The following INO80 variants were observed in gnomAD, a reference collection of about 807,000 sequenced individuals.
The protein encoded by INO80 is chromatin-remodeling ATPase INO80.
INO80 carries 20 observed loss-of-function variants against 203.4 expected under a neutral mutation model. The ratio of observed to expected loss-of-function variants is 0.10; its 90% CI spans 0.07 to 0.14. INO80 has a LOEUF of 0.14. Ranked by LOEUF, INO80 falls within the 10% of genes least tolerant of loss-of-function variation. The pLI is 1.00. For missense variants in INO80, 1,419 were observed against 1,914.4 expected (o/e 0.74, Z 4.83); for synonymous variants, 726 against 685.2 (o/e 1.06, Z -0.93).
chr15:41,110,028 G>A lies in INO80; in HGVS notation c.-44+5945C>T, dbSNP rs150032787. Among the ~76,000 whole-genome samples the A allele has an allele frequency of 1.0e-3, 153 of 151,594 alleles. 2 individuals carry two copies. In the East Asian group the frequency reaches 0.025, roughly 25 times the overall value. The stretch of plus-strand genomic sequence containing the variant: ...GAGAATTGCTTGAGCCCGGGAGGCA[G>A]AGGTTGCAGTGAGCTGAGATCGTGC... On this transcript the variant is annotated intron_variant, in intron 1 of 35. Transcript: ENST00000648947.
rs576737394 is a variant in INO80, at chr15:40,989,174, T to C, written c.3571-1200A>G. Among the ~76,000 whole-genome samples the C allele has an allele frequency of 2.0e-5, 3 of 152,314 alleles. No homozygotes were observed. The South Asian group carries it at 6.2e-4, about 32-fold the overall frequency. On this transcript the variant is annotated intron_variant, in intron 29 of 35. Coordinates refer to ENST00000648947, the MANE Select transcript of INO80 (RefSeq NM_017553.3). Reference sequence around the variant, plus strand: ...AGCCTGGGCAACAAGAGAGAAACTCTGTCACAAAACAAAACACTGGGGCTA... The same window carrying C: ...AGCCTGGGCAACAAGAGAGAAACTCCGTCACAAAACAAAACACTGGGGCTA...
intron 25 of INO80, chr15:41,023,346 C>A: frequency 2.2e-6 from 1 of 455,320 alleles, no homozygotes; most frequent in Non-Finnish European, 4.4e-6. Context: ...GTGTCGCAGA[C>A]CTGCAAAATT....
intron 24 of INO80, among the ~76,000 whole-genome samples, chr15:41,030,426 G>A (rs755230377): frequency 6.6e-6 from 1 of 152,096 alleles, no homozygotes; most frequent in Non-Finnish European, 1.5e-5. Context: ...GCAGTGGTGC[G>A]ATCTCGGCTC....
intron 1 of INO80, among the ~76,000 whole-genome samples, chr15:41,106,638 A>G (rs1343707461): frequency 6.6e-6 from 1 of 152,174 alleles, no homozygotes; most frequent in East Asian, 1.9e-4. Context: ...CAACAAAAAA[A>G]AAGAAACCAA....
chr15:41,113,828 T>A (rs2045989884), intron 1 of INO80, among the ~76,000 whole-genome samples: 1 of 152,232 alleles, frequency 6.6e-6, no homozygotes, highest in Admixed American at 6.6e-5. Flanking sequence ...TTTTTATTAG[T>A]CATAAACTTT....
intron 27 of INO80, 135 bp from the exon 28 acceptor site, chr15:41,005,822 C>A: frequency 2.0e-6 from 1 of 505,778 alleles, no homozygotes; most frequent in Non-Finnish European, 3.5e-6. Context: ...AGAGAGTAAC[C>A]CCAAGAGTAC....
At chr15:41,083,178 C>T (rs779823579) in intron 7 of INO80, among the ~76,000 whole-genome samples, 9 of 147,652 alleles carry the variant, frequency 6.1e-5, no homozygotes, top group African/African-American at 7.5e-5. Context: ...CCAGCTACTC[C>T]GGAGGCTGAA....
chr15:41,076,735 T>C (rs533501620), intron 9 of INO80, among the ~76,000 whole-genome samples: 2 of 152,028 alleles, frequency 1.3e-5, no homozygotes, highest in Admixed American at 6.6e-5. Flanking sequence ...GAGTAAGATA[T>C]CACTTTTTTT....
chr15:41,083,710 C>T (rs1191172441), intron 7 of INO80, among the ~76,000 whole-genome samples: 4 of 105,590 alleles, frequency 3.8e-5, no homozygotes, highest in Non-Finnish European at 7.2e-5. Context: ...GAGACTCCGT[C>T]TCAAAAAAAA....
At position 40,980,144 on chromosome 15, in the gene INO80, G is replaced by A. The variant is rs759691448; in HGVS notation, c.*79C>T. On this transcript the variant is annotated 3_prime_UTR_variant, in exon 36 of 36. Coordinates refer to ENST00000648947, the MANE Select transcript of INO80 (RefSeq NM_017553.3). Reference sequence around the variant, plus strand: ...GACTCAGGATGCAAGATGCTGCACGGGGCAAGCCATCCAAAGACCACTGGC... The same window carrying A: ...GACTCAGGATGCAAGATGCTGCACGAGGCAAGCCATCCAAAGACCACTGGC... 7 of 1,082,290 alleles carry A rather than the reference G, an allele frequency of 6.5e-6. No homozygotes were observed. The highest frequency in any genetic ancestry group is 2.6e-5 in the East Asian group (1 of 38,238). The allele number at this position is 1,082,290 out of a possible 1,614,324, so 67.0% of individuals were successfully genotyped here.
At chr15:41,018,691 T>C (rs771508146) in intron 26 of INO80, 10 of 152,172 alleles carry the variant, frequency 6.6e-5, no homozygotes, top group Admixed American at 2.0e-4. Flanking sequence ...GAAAAACAGG[T>C]TTCTTTCTCT....
intron 26 of INO80, 34 bp downstream of exon 26, chr15:41,020,866 C>T (rs3214068): frequency 1.0e-5 from 14 of 1,382,286 alleles, no homozygotes; most frequent in East Asian, 2.3e-5. Flanking sequence ...CTTGCCAAAG[C>T]GAGGAACACA....
At chr15:41,105,274 T>G (rs525551) in intron 1 of INO80, among the ~76,000 whole-genome samples, 17,628 of 152,142 alleles carry the variant, frequency 0.12, 3,172 homozygotes, top group African/African-American at 0.38. Flanking sequence ...TGCAAAAAGC[T>G]TGGGGGTTGG....
At chr15:41,059,244 G>A (rs1278850269) in intron 15 of INO80, among the ~76,000 whole-genome samples, 1 of 150,396 alleles carries the variant, frequency 6.6e-6, no homozygotes, top group Non-Finnish European at 1.5e-5. Flanking sequence ...TTATAGGCAT[G>A]AGCCACCATG....
Position 41,074,431 on chromosome 15 carries a change from A to G in INO80, c.1266T>C (p.Ser422=). Residue 422 remains serine (S), a synonymous_variant, in exon 10 of 36, where the codon TCT becomes TCC. Transcript: ENST00000648947. The part of the protein sequence containing the change: ...EEILRKLEDS[S]TQRQIDIGGG... ...CACCTATATCGATTTGTCTCTGGGT[A>G]GAACTGTCTTCCAGTTTCCTTAGGA... The G allele has an allele frequency of 6.2e-7, 1 of 1,614,104 alleles. No homozygotes were observed. The highest frequency in any genetic ancestry group is 2.2e-5 in the East Asian group (1 of 44,878).
Position 41,085,373 on chromosome 15 carries a change from G to A in INO80, c.869C>T (p.Pro290Leu), listed in dbSNP as rs1467758576. The change falls in exon 7 of 36, where the codon CCA becomes CTA. Residue 290 changes from proline (P) to leucine (L), a missense_variant. Pro to Leu is a moderately conservative substitution (Grantham distance 98). Transcript: ENST00000648947. Reference protein sequence around the residue: ...VWLSIVKKELPKANKQKASAR... With the variant: ...VWLSIVKKELLKANKQKASAR... The stretch of plus-strand genomic sequence containing the variant: ...CTCCTGGAGGCATTCACTTACCTTT[G>A]GTAGTTCCTTTTTCACAATGCTGAG... 1.2e-6 allele frequency: 2 copies of A among 1,613,726 alleles called. No homozygotes were observed. The highest frequency in any genetic ancestry group is 1.1e-5 in the South Asian group (1 of 91,058).
At chr15:40,990,780 G>A (rs1410666864) in intron 29 of INO80, among the ~76,000 whole-genome samples, 1 of 152,158 alleles carries the variant, frequency 6.6e-6, no homozygotes, top group East Asian at 1.9e-4. Flanking sequence ...TGAACTTTCA[G>A]GGAGAACAGA....
intron 31 of INO80, among the ~76,000 whole-genome samples, chr15:40,985,879 G>C (rs2140411615): frequency 6.6e-6 from 1 of 152,242 alleles, no homozygotes; most frequent in East Asian, 1.9e-4. Context: ...CTGTACTCCA[G>C]TCTGGGCAAC....
intron 1 of INO80, among the ~76,000 whole-genome samples, chr15:41,102,917 C>T (rs1014964484): frequency 5.3e-5 from 8 of 152,156 alleles, no homozygotes; most frequent in South Asian, 2.1e-4. Flanking sequence ...TCTATTCCTA[C>T]GCCTTAGAAA....
Sources: allele counts gnomAD v4.1 joint callset (sites outside exome capture counted in the v4.1 genomes callset), GRCh38; gene constraint gnomAD v4.1.1; transcripts MANE v1.5; gene names NCBI Gene and HGNC (gene_info 2026-07-23, HGNC 2026-07-21).